ADD1: variants seen among roughly 807,000 people sequenced by gnomAD.
The protein encoded by ADD1 is adducin 1.
In ADD1, 24 loss-of-function variants were observed where a neutral mutation model predicts 80.5. The ratio of observed to expected loss-of-function variants is 0.30; its 90% confidence interval spans 0.22 to 0.42. The LOEUF (loss-of-function observed/expected upper bound fraction) is 0.42, where lower values mean the gene tolerates loss of function less well. ADD1 is among the 10% of genes least tolerant of loss of function. The probability of loss-of-function intolerance (pLI) is 1.00; values close to 1 mark genes in which losing one functional copy is unlikely to be tolerated. For missense variants in ADD1, 948 were observed against 1,019.0 expected (o/e 0.93, Z 0.95); for synonymous variants, 373 against 393.8 (o/e 0.95, Z 0.63).
intron 2 of ADD1, among the ~76,000 whole-genome samples, chr4:2,877,653 A>G (rs955270377): frequency 6.6e-6 from 1 of 152,096 alleles, no homozygotes; most frequent in Non-Finnish European, 1.5e-5. Context: ...ACTCAATGAC[A>G]GGAAGGAGCC....
At chr4:2,888,199 G>A (rs1020390245) in intron 4 of ADD1, among the ~76,000 whole-genome samples, 1 of 149,536 alleles carries the variant, frequency 6.7e-6, no homozygotes, top group Non-Finnish European at 1.5e-5. Context: ...AGCAGGAACA[G>A]GCATGTGCCA....
chr4:2,846,151 C>T (rs547147213), intron 1 of ADD1, among the ~76,000 whole-genome samples: 1 of 152,308 alleles, frequency 6.6e-6, no homozygotes, highest in South Asian at 2.1e-4. Flanking sequence ...TCAGAATTCT[C>T]ATTTTTTTTC....
At chr4:2,883,717 G>A (rs1732777231) in intron 3 of ADD1, among the ~76,000 whole-genome samples, 1 of 151,690 alleles carries the variant, frequency 6.6e-6, no homozygotes, top group Non-Finnish European at 1.5e-5. Context: ...TGTCGCCTGG[G>A]CTGCAGTGCA....
rs144915619 is a variant in ADD1, at chr4:2,908,233, G to A, written c.1609-282G>A. On this transcript the variant is annotated intron_variant, in intron 11 of 15. Coordinates refer to ENST00000683351, the MANE Select transcript of ADD1 (RefSeq NM_001354761.2). ...CATCACTAGACGATGGACATGCAGC[G>A]AGTGTTTCCCCCAAGTTAATGACAG... 8.0e-3 allele frequency among the ~76,000 whole-genome samples: 1,226 copies of A among 152,354 alleles called. 7 individuals carry two copies. The highest frequency in any genetic ancestry group is 0.014 in the Middle Eastern group (4 of 294).
Position 2,857,464 on chromosome 4 carries a change from C to T in ADD1, c.-21+13440C>T, listed in dbSNP as rs1470587144. 4.0e-5 allele frequency among the ~76,000 whole-genome samples: 6 copies of T among 151,896 alleles called. No homozygotes were observed. The East Asian group carries it at 5.8e-4, about 15-fold the overall frequency. ...CTCTACATAAAATACAAAAATTAGCCGGACATGATGGGGTGCACTTGTGGT... is the reference window on the plus strand; with the variant it reads ...CTCTACATAAAATACAAAAATTAGCTGGACATGATGGGGTGCACTTGTGGT... On this transcript the variant is annotated intron_variant, in intron 1 of 15. Transcript: ENST00000683351.
chr4:2,889,859 T>C (rs1321368857), intron 4 of ADD1, among the ~76,000 whole-genome samples: 1 of 150,776 alleles, frequency 6.6e-6, no homozygotes, highest in Non-Finnish European at 1.5e-5. Context: ...ACAGTAATAA[T>C]AAAAGCCGCA....
At chr4:2,877,848 C>A (rs536315653) in intron 2 of ADD1, among the ~76,000 whole-genome samples, 2 of 152,268 alleles carry the variant, frequency 1.3e-5, no homozygotes, top group South Asian at 2.1e-4. Flanking sequence ...TGGTGGCATG[C>A]CCCGGCAATC....
intron 10 of ADD1, among the ~76,000 whole-genome samples, chr4:2,906,299 TG>T (rs1358907084): frequency 6.6e-6 from 1 of 152,058 alleles, no homozygotes; most frequent in Non-Finnish European, 1.5e-5. Context: ...CTGCCCTCCT[TG>T]TCTTCTTTCC....
At chr4:2,892,951 T>C (rs979227547) in intron 4 of ADD1, among the ~76,000 whole-genome samples, 7 of 152,168 alleles carry the variant, frequency 4.6e-5, no homozygotes, top group Admixed American at 6.5e-5. Context: ...GGGTCTTGTC[T>C]GTCACCCAGG....
At chr4:2,894,463 G>T (rs567228098) in intron 5 of ADD1, 119 bp from the exon 6 acceptor site, 2 of 869,236 alleles carry the variant, frequency 2.3e-6, no homozygotes, top group African/African-American at 1.8e-5. Flanking sequence ...GGAGGCCGAG[G>T]TCGCACCACT....
intron 11 of ADD1, 99 bp downstream of exon 11, chr4:2,907,943 A>G: frequency 1.1e-6 from 1 of 912,706 alleles, no homozygotes; most frequent in South Asian, 1.3e-5. Flanking sequence ...AGCAGAGGGC[A>G]TCTGCTGTTG....
intron 14 of ADD1, among the ~76,000 whole-genome samples, chr4:2,917,861 T>G (rs1334936304): frequency 6.6e-6 from 1 of 152,316 alleles, no homozygotes; most frequent in East Asian, 1.9e-4. Context: ...CTGAGGCCTC[T>G]GTTCTGTTCC....
At chr4:2,849,488 G>A (rs1726741865) in intron 1 of ADD1, among the ~76,000 whole-genome samples, 1 of 152,164 alleles carries the variant, frequency 6.6e-6, no homozygotes, top group Admixed American at 6.5e-5. Context: ...TTGCTGGAAA[G>A]GGCATGCCTC....
chr4:2,905,198 G>C, intron 10 of ADD1, 90 bp downstream of exon 10: 1 of 1,272,238 alleles, frequency 7.9e-7, no homozygotes, highest in Non-Finnish European at 1.1e-6. Flanking sequence ...CAGCCTTTCT[G>C]ACCCAGGTGT....
chr4:2,898,123 T>TATC, intron 6 of ADD1, 61 bp from the exon 7 acceptor site: 1 of 1,533,364 alleles, frequency 6.5e-7, no homozygotes, highest in Non-Finnish European at 8.8e-7. Context: ...GCATTTACCA[T>TATC]ATCATCAGTC....
intron 14 of ADD1, 103 bp from the exon 15 acceptor site, chr4:2,925,911 T>C: frequency 1.1e-6 from 1 of 904,632 alleles, no homozygotes; most frequent in East Asian, 2.6e-5. Flanking sequence ...CCCTGCCTTC[T>C]CAGAGGGCGG....
intron 2 of ADD1, among the ~76,000 whole-genome samples, chr4:2,880,549 C>G (rs1424233324): frequency 7.4e-6 from 1 of 135,504 alleles, no homozygotes; most frequent in African/African-American, 2.8e-5. Context: ...GATCTCAGCT[C>G]ACTGCAAGCT....
intron 14 of ADD1, among the ~76,000 whole-genome samples, chr4:2,916,847 C>T (rs1261989056): frequency 6.6e-6 from 1 of 152,162 alleles, no homozygotes; most frequent in Non-Finnish European, 1.5e-5. Flanking sequence ...CATCCATATC[C>T]CTGCAAAGGA....
At chr4:2,848,212 C>CAAA (rs1318761193) in intron 1 of ADD1, among the ~76,000 whole-genome samples, 112 of 97,782 alleles carry the variant, frequency 1.1e-3, no homozygotes, top group African/African-American at 3.7e-3. Flanking sequence ...GACTCCGTCT[C>CAAA]AAAAAAAAAA....
Sources: gnomAD v4.1 joint callset for allele counts (sites outside exome capture counted in the v4.1 genomes callset) on GRCh38, gnomAD v4.1.1 for gene constraint, MANE v1.5 for transcripts, NCBI Gene and HGNC (gene_info 2026-07-23, HGNC 2026-07-21) for gene names.